SLC25A27: variants seen among roughly 807,000 people sequenced by gnomAD.
SLC25A27 encodes the protein solute carrier family 25 member 27, also known as mitochondrial uncoupling protein 4.
A neutral mutation model predicts 49.1 loss-of-function variants in SLC25A27; 35 were observed. The observed-to-expected ratio is 0.71, with a 90% CI of 0.54 to 0.95. SLC25A27 has a LOEUF of 0.95. Ranked by LOEUF, SLC25A27 falls within the 40% of genes least tolerant of loss-of-function variation. SLC25A27 has a pLI of 0.00. For missense variants in SLC25A27, 339 were observed against 397.1 expected (o/e 0.85, Z 1.24); for synonymous variants, 144 against 136.9 (o/e 1.05, Z -0.36).
At chr6:46,666,188 G>C (rs893589873) in intron 5 of SLC25A27, among the ~76,000 whole-genome samples, 23 of 152,090 alleles carry the variant, frequency 1.5e-4, no homozygotes, top group African/African-American at 5.1e-4. Context: ...TCCTGAACCT[G>C]CCACAATCCC....
intron 3 of SLC25A27, among the ~76,000 whole-genome samples, chr6:46,661,817 A>C (rs911450059): frequency 6.6e-6 from 1 of 152,250 alleles, no homozygotes; most frequent in Non-Finnish European, 1.5e-5. Context: ...ATGAGCATTC[A>C]GTGAATTCGT....
intron 8 of SLC25A27, among the ~76,000 whole-genome samples, chr6:46,672,626 G>A (rs1166422043): frequency 6.6e-6 from 1 of 152,106 alleles, no homozygotes. Context: ...CCAGATTCCT[G>A]CTCTGAGCAA....
At chr6:46,676,257 CA>C in intron 8 of SLC25A27, 125 bp from the exon 9 acceptor site, 2 of 772,712 alleles carry the variant, frequency 2.6e-6, no homozygotes, top group Middle Eastern at 2.5e-4. Context: ...GGTGAAATAC[CA>C]AAATATTTGT....
intron 5 of SLC25A27, among the ~76,000 whole-genome samples, chr6:46,666,249 A>G (rs550245252): frequency 1.3e-4 from 20 of 152,122 alleles, no homozygotes; most frequent in South Asian, 1.0e-3. Context: ...TTCTATAGCT[A>G]TTATTGCTTG....
At chr6:46,664,970 G>T in intron 5 of SLC25A27, 84 bp downstream of exon 5, 1 of 604,842 alleles carries the variant, frequency 1.7e-6, no homozygotes. Flanking sequence ...TAAAATTTAT[G>T]TTTTATTTTT....
At chr6:46,667,444 T>C (rs113650368) in intron 5 of SLC25A27, among the ~76,000 whole-genome samples, 115 of 152,306 alleles carry the variant, frequency 7.6e-4, no homozygotes, top group African/African-American at 2.6e-3. Context: ...AATAGTAACC[T>C]TGGGCAGTCA....
intron 3 of SLC25A27, among the ~76,000 whole-genome samples, chr6:46,661,917 CT>C (rs1321931241): frequency 6.6e-6 from 1 of 152,106 alleles, no homozygotes; most frequent in Non-Finnish European, 1.5e-5. Flanking sequence ...GGAGACTTTT[CT>C]TTTATACCCA....
Position 46,676,318 on chromosome 6 carries a change from G to A in SLC25A27, c.901-65G>A, listed in dbSNP as rs1038638399. ...GACTTTGTCATTCAAATATATGTAT[G>A]CACATATGTAGACTATTTATAATTG... On this transcript the variant is annotated intron_variant, in intron 8 of 8. Transcript: ENST00000371347. 6 of 1,399,038 alleles carry A rather than the reference G, an allele frequency of 4.3e-6. No individual in the cohort carries two copies. In the African/African-American group the frequency reaches 7.1e-5, roughly 17 times the overall value. 86.7% of individuals were successfully genotyped at this position (1,399,038 alleles called of 1,614,324 possible). A position where few individuals can be genotyped will look rare whatever the true frequency, so the allele number is the denominator to read the frequency against.
rs912653299 is a variant in SLC25A27 at position 46,653,425 on chromosome 6, A to G, written c.106+127A>G. On this transcript the variant is annotated intron_variant, in intron 1 of 8. Transcript: ENST00000371347. ...GTCGCCCCTTCCATGCCCGCCTGGC[A>G]GAGGTGGCGGTGGAGGCCAGGCCCG... 12 of 1,434,272 alleles carry G rather than the reference A, an allele frequency of 8.4e-6. No homozygotes were observed. In the South Asian group the frequency reaches 1.2e-4, roughly 14 times the overall value. 88.8% of individuals were successfully genotyped at this position (1,434,272 alleles called of 1,614,324 possible). A position where few individuals can be genotyped will look rare whatever the true frequency, so the allele number is the denominator to read the frequency against.
chr6:46,655,784 G>A, intron 1 of SLC25A27, 59 bp from the exon 2 acceptor site: 1 of 1,462,960 alleles, frequency 6.8e-7, no homozygotes, highest in Non-Finnish European at 9.5e-7. Context: ...TATGATTTTA[G>A]ATTTTTGTTT....
At chr6:46,658,696 GAC>G (rs1763067788) in intron 2 of SLC25A27, 1 of 467,886 alleles carries the variant, frequency 2.1e-6, no homozygotes, top group Non-Finnish European at 3.9e-6. Context: ...AGTCCTGAAA[GAC>G]AAGGAGATGT....
At chr6:46,663,545 G>A (rs1409093388) in intron 4 of SLC25A27, among the ~76,000 whole-genome samples, 1 of 152,166 alleles carries the variant, frequency 6.6e-6, no homozygotes, top group Non-Finnish European at 1.5e-5. Context: ...AAATAACAGG[G>A]AGAAGTCACA....
intron 4 of SLC25A27, 83 bp downstream of exon 4, chr6:46,662,581 C>T: frequency 7.1e-7 from 1 of 1,406,304 alleles, no homozygotes; most frequent in Non-Finnish European, 9.9e-7. Flanking sequence ...GAATTATCAT[C>T]CAGTATGCAG....
chr6:46,659,705 A>T (rs911217306), intron 3 of SLC25A27, among the ~76,000 whole-genome samples: 1 of 151,940 alleles, frequency 6.6e-6, no homozygotes, highest in African/African-American at 2.4e-5. Flanking sequence ...AATACAAAAA[A>T]TTAGCTGGGT....
rs1259781585 is a variant in SLC25A27, at chr6:46,670,219, A to G, written c.789A>G (p.Lys263=). ...KSRIMNQPRD[K]QGRGLLYKSS... ...GAATAATGAATCAACCACGAGATAA[A>G]CAAGGAAGGTAGATAAAAAGTCTTC... is the stretch of plus-strand genomic sequence containing the variant. Residue 263 remains lysine (K), a synonymous_variant, in exon 7 of 9, where the codon AAA becomes AAG. Coordinates refer to ENST00000371347, the MANE Select transcript of SLC25A27 (RefSeq NM_004277.5). The G allele has an allele frequency of 6.2e-7, 1 of 1,610,838 alleles. No homozygotes were observed. Among genetic ancestry groups the G allele is most frequent in the Non-Finnish European group, 8.5e-7 (1 of 1,177,866 alleles).
intron 4 of SLC25A27, among the ~76,000 whole-genome samples, chr6:46,662,916 G>C (rs753750505): frequency 3.9e-5 from 6 of 152,134 alleles, no homozygotes; most frequent in Non-Finnish European, 5.9e-5. Context: ...TGGTTAACAT[G>C]CCTGACTGCT....
intron 2 of SLC25A27, among the ~76,000 whole-genome samples, chr6:46,656,629 G>A (rs1033880041): frequency 1.3e-5 from 2 of 152,100 alleles, no homozygotes; most frequent in Non-Finnish European, 2.9e-5. Flanking sequence ...ATATTGATCA[G>A]GTTGGTCCCA....
At chr6:46,653,712 T>C (rs1250962171) in intron 1 of SLC25A27, 1 of 985,312 alleles carries the variant, frequency 1.0e-6, no homozygotes, top group Non-Finnish European at 1.2e-6. Flanking sequence ...GTCCAAGTTG[T>C]GGACCTACCT....
rs888942777 is a variant in SLC25A27 at position 46,653,156 on chromosome 6, C to A, written c.-37C>A. ...GCCGCGGCGCGGTGCAGCGCAGCGG[C>A]GAGAAGGAGTGCGTTATCGTCTTGC... On this transcript the variant is annotated 5_prime_UTR_variant, in exon 1 of 9. Coordinates refer to ENST00000371347, the MANE Select transcript of SLC25A27 (RefSeq NM_004277.5). 2 of 1,577,534 alleles carry A rather than the reference C, an allele frequency of 1.3e-6. No homozygotes were observed. The highest frequency in any genetic ancestry group is 1.7e-6 in the Non-Finnish European group (2 of 1,151,218).
Sources: gnomAD v4.1 joint callset for allele counts (sites outside exome capture counted in the v4.1 genomes callset) on GRCh38, gnomAD v4.1.1 for gene constraint, MANE v1.5 for transcripts, NCBI Gene and HGNC (gene_info 2026-07-23, HGNC 2026-07-21) for gene names.